ZNF503: variants seen among roughly 807,000 people sequenced by gnomAD.
ZNF503 encodes the protein NocA-like zinc finger 2.
A neutral mutation model predicts 34.4 loss-of-function variants in ZNF503; 15 were observed. That is an observed-to-expected ratio of 0.44 (90% CI 0.29 to 0.67). The LOEUF is 0.67. Ranked by LOEUF, ZNF503 falls within the 30% of genes least tolerant of loss-of-function variation. The pLI, the probability that ZNF503 is intolerant of heterozygous loss-of-function variation, is 0.13. For missense variants in ZNF503, 1,007 were observed against 926.8 expected (o/e 1.09, Z -1.12); for synonymous variants, 580 against 456.8 (o/e 1.27, Z -3.44).
At chr10:75,308,334 A>G in the ZNF503 span, among the ~76,000 whole-genome samples, 1 of 152,132 alleles carries the variant, frequency 6.6e-6, no homozygotes, top group African/African-American at 2.4e-5. Context: ...CTTTTAAAAT[A>G]TCACTGCCCA....
chr10:75,363,928 T>C, the ZNF503 span, among the ~76,000 whole-genome samples: 3 of 152,354 alleles, frequency 2.0e-5, no homozygotes, highest in South Asian at 6.2e-4. Flanking sequence ...GCAGCCATAC[T>C]GTGGCCCTTA....
chr10:75,344,294 G>A, the ZNF503 span, among the ~76,000 whole-genome samples: 1 of 152,216 alleles, frequency 6.6e-6, no homozygotes, highest in Non-Finnish European at 1.5e-5. Flanking sequence ...CAAAGGTATG[G>A]CATCTCCTCT....
At chr10:75,329,408 T>C in the ZNF503 span, among the ~76,000 whole-genome samples, 1 of 66,828 alleles carries the variant, frequency 1.5e-5, no homozygotes, top group African/African-American at 5.5e-5. Context: ...CTTCCTTCCT[T>C]CCTTCCTTTC....
chr10:75,339,563 T>TG, the ZNF503 span, among the ~76,000 whole-genome samples: 5 of 151,992 alleles, frequency 3.3e-5, no homozygotes, highest in African/African-American at 1.2e-4. Flanking sequence ...GACACGCTGG[T>TG]GGGGGAGATA....
At chr10:75,292,956 A>T in the ZNF503 span, among the ~76,000 whole-genome samples, 1 of 152,130 alleles carries the variant, frequency 6.6e-6, no homozygotes, top group Non-Finnish European at 1.5e-5. Context: ...CCCGAGCCCT[A>T]TGTGACTTTC....
downstream of ZNF503, among the ~76,000 whole-genome samples, chr10:75,395,551 C>T (rs999721789): frequency 6.6e-6 from 1 of 152,078 alleles, no homozygotes; most frequent in South Asian, 2.1e-4. The surrounding 1 kb of genome is among the most constrained non-coding windows in gnomAD (Gnocchi z 4.4). Flanking sequence ...CCGGGGATCC[C>T]GCGGCTGTTC....
the ZNF503 span, among the ~76,000 whole-genome samples, chr10:75,390,039 C>A: frequency 2.6e-5 from 4 of 151,190 alleles, no homozygotes; most frequent in African/African-American, 9.7e-5. Flanking sequence ...ACTACAGGCA[C>A]CCCCCCACCA....
At chr10:75,361,258 T>G in the ZNF503 span, 1 of 152,168 alleles carries the variant, frequency 6.6e-6, no homozygotes, top group African/African-American at 2.4e-5. Flanking sequence ...TAAAATTCAG[T>G]AAAATAATGC....
chr10:75,333,906 C>T, the ZNF503 span, among the ~76,000 whole-genome samples: 4 of 47,460 alleles, frequency 8.4e-5, 2 homozygotes, highest in Non-Finnish European at 1.6e-4. Flanking sequence ...GATGGGGCGG[C>T]GGGGCAGAGG....
At chr10:75,281,881 C>A in the ZNF503 span, among the ~76,000 whole-genome samples, 10 of 152,320 alleles carry the variant, frequency 6.6e-5, no homozygotes, top group South Asian at 1.7e-3. Context: ...ATAGTGGTAG[C>A]TTAGAAGGGA....
chr10:75,400,039 G>A lies in ZNF503; in HGVS notation c.651C>T (p.Ala217=). The change falls in exon 2 of 2, where the codon GCC becomes GCT. Residue 217 remains alanine, a synonymous_variant. Coordinates refer to ENST00000372524, the MANE Select transcript of ZNF503 (RefSeq NM_032772.6). ...TCCTGGGCGTGAATGGCTGGCAGGT[G>A]GCGCTCGGTACCCGGAATCCCGACT... ...SEKSGFRVPS[A]TCQPFTPRTG... is the part of the protein sequence containing the mutation. 6.3e-7 allele frequency: 1 copy of A among 1,597,892 alleles called. No individual in the cohort carries two copies.
the ZNF503 span, among the ~76,000 whole-genome samples, chr10:75,351,299 G>A: frequency 6.6e-6 from 1 of 152,136 alleles, no homozygotes; most frequent in Non-Finnish European, 1.5e-5. Context: ...AGCCTCCTGA[G>A]TAGCTGGGAT....
At chr10:75,370,153 A>G in the ZNF503 span, among the ~76,000 whole-genome samples, 5 of 152,146 alleles carry the variant, frequency 3.3e-5, no homozygotes, top group South Asian at 8.3e-4. Context: ...TCCACCTTCT[A>G]AGTTAATTTC....
the ZNF503 span, among the ~76,000 whole-genome samples, chr10:75,346,266 C>T: frequency 6.6e-6 from 1 of 152,168 alleles, no homozygotes; most frequent in South Asian, 2.1e-4. Flanking sequence ...CACAAATGTG[C>T]AGACCTGTGC....
the ZNF503 span, among the ~76,000 whole-genome samples, chr10:75,372,804 C>T: frequency 6.6e-6 from 1 of 152,230 alleles, no homozygotes; most frequent in South Asian, 2.1e-4. Context: ...AACTGGAGCC[C>T]TCTTTGGGTC....
At chr10:75,359,600 C>A in the ZNF503 span, among the ~76,000 whole-genome samples, 2,586 of 152,282 alleles carry the variant, frequency 0.017, 37 homozygotes, top group African/African-American at 0.044. Context: ...TTTGGAGAAC[C>A]CACATCTTCA....
the ZNF503 span, among the ~76,000 whole-genome samples, chr10:75,363,664 T>C: frequency 6.6e-6 from 1 of 152,372 alleles, no homozygotes; most frequent in African/African-American, 2.4e-5. Context: ...TAAATGGCTG[T>C]GCAGTGCACA....
the ZNF503 span, among the ~76,000 whole-genome samples, chr10:75,390,945 C>A: frequency 6.6e-6 from 1 of 152,168 alleles, no homozygotes; most frequent in Non-Finnish European, 1.5e-5. Flanking sequence ...TGCCTTCTTA[C>A]ATGGCCTGTC....
chr10:75,342,446 A>G, the ZNF503 span, among the ~76,000 whole-genome samples: 31 of 152,168 alleles, frequency 2.0e-4, no homozygotes, highest in South Asian at 6.5e-3. Flanking sequence ...ACTCCTGGAA[A>G]GCTCTGAAGC....
Sources: gnomAD v4.1 joint callset for allele counts (sites outside exome capture counted in the v4.1 genomes callset) on GRCh38, gnomAD v4.1.1 for gene constraint, Gnocchi (gnomAD v3.1) non-coding constraint, MANE v1.5 for transcripts, NCBI Gene and HGNC (gene_info 2026-07-23, HGNC 2026-07-21) for gene names.